BCAR1: variants seen among roughly 807,000 people sequenced by gnomAD.
BCAR1 encodes the protein breast cancer anti-estrogen resistance protein 1.
A neutral mutation model predicts 67.6 loss-of-function variants in BCAR1; 30 were observed. The ratio of observed to expected loss-of-function variants is 0.44; its 90% CI spans 0.33 to 0.60. The LOEUF (loss-of-function observed/expected upper bound fraction) is 0.60, where lower values mean the gene tolerates loss of function less well. Among genes scored for constraint, BCAR1 ranks in the 20% least tolerant of loss-of-function variants. The probability of loss-of-function intolerance (pLI) is 0.02; values close to 1 mark genes in which losing one functional copy is unlikely to be tolerated. For synonymous variants in BCAR1, 626 were observed against 556.7 expected (o/e 1.12, Z -1.75); for missense variants, 1,313 against 1,222.3 (o/e 1.07, Z -1.11).
intron 1 of BCAR1, chr16:75,266,482 T>G (rs1292501658): frequency 2.8e-6 from 1 of 350,926 alleles, no homozygotes; most frequent in Middle Eastern, 5.9e-4. Flanking sequence ...GGGCCCACCC[T>G]CAGCCCACCG....
chr16:75,253,965 C>T (rs2077729424), upstream of BCAR1, among the ~76,000 whole-genome samples: 1 of 120,960 alleles, frequency 8.3e-6, no homozygotes, highest in Non-Finnish European at 1.7e-5. Context: ...TCACCGTTAG[C>T]CCCAATTTTT....
upstream of BCAR1, among the ~76,000 whole-genome samples, chr16:75,255,311 A>T (rs2151468855): frequency 6.6e-6 from 1 of 152,256 alleles, no homozygotes; most frequent in Non-Finnish European, 1.5e-5. Context: ...GCAGCAGGAG[A>T]GGATTTCCTG....
intron 1 of BCAR1, chr16:75,263,896 C>G: frequency 1.9e-6 from 2 of 1,039,454 alleles, no homozygotes; most frequent in Non-Finnish European, 2.3e-6. Flanking sequence ...AAAATGAATT[C>G]TCCTCTTGGC....
chr16:75,235,389 G>A lies in BCAR1; in HGVS notation c.1510C>T (p.Leu504=), dbSNP rs950206545. Residue 504 remains leucine (L), a synonymous_variant, in exon 5 of 7, where the codon CTG becomes TTG. Coordinates refer to ENST00000162330, the MANE Select transcript of BCAR1 (RefSeq NM_014567.5). ...TGGACAGCGGCCACAGCAGCCTGCA[G>A]GTCCTGCACCAGCGGCTCCTGTGGC... ...SEPQEPLVQD[L]QAAVAAVQSA... 2.3e-5 allele frequency: 37 copies of A among 1,605,584 alleles called. No individual in the cohort carries two copies. Among genetic ancestry groups the A allele is most frequent in the Middle Eastern group, 1.6e-4 (1 of 6,072 alleles).
In BCAR1 at chr16:75,234,779, G is replaced by C. The variant is rs961807025; in HGVS notation, c.2010+110C>G. 7 of 1,443,152 alleles carry C rather than the reference G, an allele frequency of 4.9e-6. No individual in the cohort carries two copies. The Admixed American group carries it at 9.3e-5, about 19-fold the overall frequency. The allele number at this position is 1,443,152 out of a possible 1,614,324, so 89.4% of individuals were successfully genotyped here. ...GGTGAGGGAGGTCAAAGTGAGAGGAGGGTGCAGGGCCTTGCCAGGGACCAG... is the reference window on the plus strand; with the variant it reads ...GGTGAGGGAGGTCAAAGTGAGAGGACGGTGCAGGGCCTTGCCAGGGACCAG... On this transcript the variant is annotated intron_variant, in intron 5 of 6. Coordinates refer to ENST00000162330, the MANE Select transcript of BCAR1 (RefSeq NM_014567.5).
At chr16:75,248,723 C>T (rs956006009) in intron 1 of BCAR1, 1 of 154,368 alleles carries the variant, frequency 6.5e-6, no homozygotes, top group East Asian at 1.9e-4. Context: ...TCCAGAGCCA[C>T]CCCAGGGGAG....
At chr16:75,239,055 G>T in intron 2 of BCAR1, 1 of 985,442 alleles carries the variant, frequency 1.0e-6, no homozygotes, top group African/African-American at 1.7e-5. Flanking sequence ...ATGGCCGCCT[G>T]CCACTCTTGG....
At chr16:75,242,364 A>T in intron 2 of BCAR1, 106 bp downstream of exon 2, 1 of 1,310,768 alleles carries the variant, frequency 7.6e-7, no homozygotes, top group Non-Finnish European at 9.7e-7. Flanking sequence ...ACACACAGCC[A>T]CTCCTGGAAT....
rs768307962 is a variant in BCAR1, at chr16:75,235,280, T to G, written c.1619A>C (p.Lys540Thr). 2 of 1,606,228 alleles carry G rather than the reference T, an allele frequency of 1.2e-6. No individual in the cohort carries two copies. Among genetic ancestry groups the G allele is most frequent in the East Asian group, 2.2e-5 (1 of 44,662 alleles). Reference sequence around the variant, plus strand: ...CATCTTCTGCAGCTGCCGGCTAAGCTTGGCATGCAGGGCACGGTCAGATGT... The same window carrying G: ...CATCTTCTGCAGCTGCCGGCTAAGCGTGGCATGCAGGGCACGGTCAGATGT... Reference protein sequence around the residue: ...AHTSDRALHAKLSRQLQKMED... With the variant: ...AHTSDRALHATLSRQLQKMED... Residue 540 changes from lysine (K) to threonine (T), a missense_variant, in exon 5 of 7, where the codon AAG becomes ACG. Physicochemically the swap from Lys to Thr is moderately conservative, Grantham distance 78. Around this residue, in one of 2 missense-constraint regions of BCAR1, gnomAD observed 1,272 missense variants for 1,137.5 expected, o/e 1.12. Coordinates refer to ENST00000162330, the MANE Select transcript of BCAR1 (RefSeq NM_014567.5).
rs1421354274 is a variant in BCAR1 at position 75,229,787 on chromosome 16, C to T, written c.2337G>A (p.Val779=). Residue 779 remains valine (V), a synonymous_variant, in exon 7 of 7, where the codon GTG becomes GTA. Transcript: ENST00000162330. The part of the protein sequence containing the change: ...VATNQPPKIF[V]AHSKFVILSA... ...TGAGGATGACGAACTTGCTGTGCGC[C>T]ACAAAGATCTTGGGCGGCTGGTTGG... is the stretch of plus-strand genomic sequence containing the variant. 1 of 1,613,526 alleles carries T rather than the reference C, an allele frequency of 6.2e-7. No individual in the cohort carries two copies. The highest frequency in any genetic ancestry group is 1.7e-5 in the Admixed American group (1 of 60,028).
intron 1 of BCAR1, among the ~76,000 whole-genome samples, chr16:75,258,618 C>T (rs768523067): frequency 6.6e-6 from 1 of 152,202 alleles, no homozygotes; most frequent in Non-Finnish European, 1.5e-5. Context: ...GGGGGCTTCT[C>T]TGCGGAGGTG....
chr16:75,238,077 C>G, intron 2 of BCAR1: 2 of 1,289,030 alleles, frequency 1.6e-6, no homozygotes, highest in South Asian at 1.2e-5. Flanking sequence ...CCTCCCCTCC[C>G]CAGGTGCTCT....
chr16:75,238,656 C>A (rs578076451), intron 2 of BCAR1: 1 of 985,966 alleles, frequency 1.0e-6, no homozygotes. Flanking sequence ...AGCAGAGTCC[C>A]GGCTGGGGGC....
chr16:75,239,887 G>A (rs957862104), intron 2 of BCAR1, among the ~76,000 whole-genome samples: 2 of 152,202 alleles, frequency 1.3e-5, no homozygotes, highest in African/African-American at 2.4e-5. Context: ...ACAGGACCAC[G>A]TGCACGCCTG....
intron 2 of BCAR1, among the ~76,000 whole-genome samples, chr16:75,241,434 G>C (rs1346863237): frequency 6.6e-6 from 1 of 152,124 alleles, no homozygotes; most frequent in Admixed American, 6.5e-5. Flanking sequence ...CTCCCCTACA[G>C]GACACTGCTC....
At chr16:75,266,070 C>G (rs890795394) in intron 1 of BCAR1, 24 of 1,013,542 alleles carry the variant, frequency 2.4e-5, no homozygotes, top group Non-Finnish European at 2.8e-5. Flanking sequence ...GGTGAGGACC[C>G]CGGACCTAGG....
At chr16:75,243,431 C>T in intron 1 of BCAR1, 1 of 595,344 alleles carries the variant, frequency 1.7e-6, no homozygotes, top group Non-Finnish European at 3.2e-6. Context: ...AGGAGAGCGG[C>T]AGTAATCACG....
rs1444983426 is a variant in BCAR1, at chr16:75,235,354, G to A, written c.1545C>T (p.Val515=). 1 of 1,602,308 alleles carries A rather than the reference G, an allele frequency of 6.2e-7. No homozygotes were observed. Among genetic ancestry groups the A allele is most frequent in the Non-Finnish European group, 8.5e-7 (1 of 1,173,536 alleles). ...QAAVAAVQSA[V]HELLEFARSA... ...TGCGGGCAAACTCCAACAGCTCGTG[G>A]ACGGCACTCTGGACAGCGGCCACAG... Residue 515 remains valine (V), a synonymous_variant, in exon 5 of 7, where the codon GTC becomes GTT. Transcript: ENST00000162330.
intron 1 of BCAR1, chr16:75,243,338 G>A (rs1386855331): frequency 7.8e-6 from 5 of 637,530 alleles, no homozygotes; most frequent in Non-Finnish European, 1.4e-5. Flanking sequence ...CTTGACCACT[G>A]TCACCACCAA....
Sources: gnomAD v4.1 joint callset for allele counts (sites outside exome capture counted in the v4.1 genomes callset) on GRCh38, gnomAD v4.1.1 for gene constraint, gnomAD v4.1.1 regional missense constraint, MANE v1.5 for transcripts, NCBI Gene and HGNC (gene_info 2026-07-23, HGNC 2026-07-21) for gene names.